The following METTL9 variants were observed in gnomAD, a reference collection of about 807,000 sequenced individuals.
METTL9 encodes methyltransferase 9, His-X-His N1(pi)-histidine, also known as protein-L-histidine N-pros-methyltransferase.
In METTL9, 10 loss-of-function variants were observed where a neutral mutation model predicts 36.0. The observed-to-expected ratio is 0.28, with a 90% CI of 0.17 to 0.47. METTL9 has a LOEUF of 0.47. Ranked by LOEUF, METTL9 falls within the 20% of genes least tolerant of loss-of-function variation. The pLI, the probability that METTL9 is intolerant of heterozygous loss-of-function variation, is 0.99. For synonymous variants in METTL9, 175 were observed against 149.7 expected (o/e 1.17, Z -1.23); for missense variants, 246 against 383.5 (o/e 0.64, Z 3.00).
intron 2 of METTL9, among the ~76,000 whole-genome samples, chr16:21,617,232 C>A (rs1965575024): frequency 6.6e-6 from 1 of 151,578 alleles, no homozygotes; most frequent in African/African-American, 2.4e-5. Context: ...TCCTGGCTAA[C>A]ATGGTGAAAC....
Position 21,612,734 on chromosome 16 carries a change from A to C in METTL9, c.255A>C (p.Leu85Phe). The change falls in exon 2 of 5, where the codon TTA becomes TTC. Residue 85 changes from leucine (L) to phenylalanine (F), a missense_variant. Leu to Phe is a conservative substitution (Grantham distance 22, BLOSUM62 0). Coordinates refer to ENST00000358154, the MANE Select transcript of METTL9 (RefSeq NM_016025.5). Reference sequence around the variant, plus strand: ...TTGATCAAGGAACACAGATCTTCTTAAACAACAGCATTGAGAAATCGGGCT... The same window carrying C: ...TTGATCAAGGAACACAGATCTTCTTCAACAACAGCATTGAGAAATCGGGCT... Reference protein sequence around the residue: ...SYLDQGTQIFLNNSIEKSGWL... With the variant: ...SYLDQGTQIFFNNSIEKSGWL... The C allele has an allele frequency of 6.2e-7, 1 of 1,613,010 alleles. No individual in the cohort carries two copies. Among genetic ancestry groups the C allele is most frequent in the Non-Finnish European group, 8.5e-7 (1 of 1,179,778 alleles).
chr16:21,643,707 T>C, intron 4 of METTL9: 1 of 686,664 alleles, frequency 1.5e-6, no homozygotes, highest in East Asian at 2.7e-5. Flanking sequence ...TTAAGTGATA[T>C]ACAATGAGAC....
At chr16:21,612,561 T>G in intron 1 of METTL9, 84 bp from the exon 2 acceptor site, 1 of 1,290,022 alleles carries the variant, frequency 7.8e-7, no homozygotes, top group Non-Finnish European at 1.0e-6. Context: ...TGATTTAGTC[T>G]TCTGGTTTTT....
chr16:21,597,371 G>A, upstream of METTL9: 2 of 1,024,894 alleles, frequency 2.0e-6, no homozygotes, highest in Admixed American at 4.7e-5. Flanking sequence ...GTTTCTTCCT[G>A]TGCCTGCTAA....
At chr16:21,606,208 G>T (rs962759053) in intron 1 of METTL9, among the ~76,000 whole-genome samples, 5 of 151,986 alleles carry the variant, frequency 3.3e-5, no homozygotes, top group Non-Finnish European at 7.4e-5. Context: ...GTGGTGGCAC[G>T]TGCCTGTAAT....
chr16:21,639,700 C>G (rs1421468203), intron 4 of METTL9: 7 of 152,206 alleles, frequency 4.6e-5, no homozygotes, highest in Admixed American at 2.6e-4. Context: ...CACATATACA[C>G]ATGTGCACTC....
chr16:21,652,835 T>G (rs986523544), intron 4 of METTL9: 4 of 426,972 alleles, frequency 9.4e-6, no homozygotes, highest in African/African-American at 2.0e-5. Flanking sequence ...TCATAGGTGT[T>G]AGATGTTTCT....
Position 21,599,592 on chromosome 16 carries a change from C to T in METTL9, c.-142C>T, listed in dbSNP as rs1332028665. ...CCGGCTGCTCCTCCCCACCCCCAGC[C>T]TTTGCCCTGAAGGGGGCTGGATGGG... On this transcript the variant is annotated 5_prime_UTR_variant, in exon 1 of 5. Transcript: ENST00000358154. This position sits in a 1 kb window ranked among gnomAD's most constrained non-coding sequence, Gnocchi z 4.4. 1.5e-6 allele frequency: 2 copies of T among 1,310,480 alleles called. No homozygotes were observed. The highest frequency in any genetic ancestry group is 1.6e-5 in the African/African-American group (1 of 64,130). The allele number at this position is 1,310,480 out of a possible 1,614,324, so 81.2% of individuals were successfully genotyped here.
At chr16:21,627,508 G>A (rs907477783) in intron 4 of METTL9, 3 of 271,520 alleles carry the variant, frequency 1.1e-5, no homozygotes, top group Non-Finnish European at 1.7e-5. Context: ...CCCAAAGAAG[G>A]AAAGATATGA....
chr16:21,634,789 G>A (rs184658308), intron 4 of METTL9, among the ~76,000 whole-genome samples: 47 of 152,262 alleles, frequency 3.1e-4, no homozygotes, highest in African/African-American at 1.1e-3. Flanking sequence ...AAGGCCTCCT[G>A]TAGCTGCTCA....
At chr16:21,649,409 C>T (rs887625021) in intron 4 of METTL9, among the ~76,000 whole-genome samples, 1 of 152,140 alleles carries the variant, frequency 6.6e-6, no homozygotes, top group African/African-American at 2.4e-5. Flanking sequence ...AGGAGGCCTG[C>T]AAGCTTCTCT....
chr16:21,605,743 A>G (rs559389574), intron 1 of METTL9, among the ~76,000 whole-genome samples: 41 of 152,232 alleles, frequency 2.7e-4, no homozygotes, highest in Middle Eastern at 3.4e-3. Context: ...TTGAAAAAAG[A>G]TTCTTACATG....
At chr16:21,631,474 G>A (rs1297652727) in intron 4 of METTL9, among the ~76,000 whole-genome samples, 3 of 152,194 alleles carry the variant, frequency 2.0e-5, no homozygotes, top group African/African-American at 4.8e-5. Flanking sequence ...AGGCTCAGCT[G>A]AGTGCAAACA....
intron 4 of METTL9, chr16:21,654,809 C>G (rs1333745059): frequency 6.1e-6 from 1 of 163,892 alleles, no homozygotes; most frequent in African/African-American, 2.4e-5. Context: ...TTGCATTTGT[C>G]CAAAACTGTC....
chr16:21,623,453 C>T (rs1466191919), intron 3 of METTL9, among the ~76,000 whole-genome samples: 1 of 152,120 alleles, frequency 6.6e-6, no homozygotes, highest in East Asian at 1.9e-4. Flanking sequence ...GACTTGTTTA[C>T]CAAAGATCCT....
intron 3 of METTL9, among the ~76,000 whole-genome samples, chr16:21,623,320 T>A (rs1965747438): frequency 6.6e-6 from 1 of 152,234 alleles, no homozygotes; most frequent in South Asian, 2.1e-4. Flanking sequence ...CTTTGTGTTT[T>A]TAAAATTCTG....
intron 4 of METTL9, chr16:21,639,602 C>T (rs1230412065): frequency 6.6e-6 from 1 of 152,112 alleles, no homozygotes; most frequent in East Asian, 1.9e-4. Flanking sequence ...TATATTGCTG[C>T]TTATGCCATT....
Position 21,599,852 on chromosome 16 carries a change from C to T in METTL9, c.119C>T (p.Pro40Leu). The change falls in exon 1 of 5, where the codon CCG (proline) becomes CTG (leucine). Residue 40 changes from proline to leucine, a missense_variant. By Grantham distance (98) the Pro-to-Leu change is moderately conservative. Transcript: ENST00000358154. The surrounding 1 kb of genome is among the most constrained non-coding windows in gnomAD (Gnocchi z 4.4). ...RSLYVNMTSG[P>L]GGPAAAAGGR... ...CTGTACGTGAACATGACTAGCGGCC[C>T]GGGTGGGCCGGCGGCGGCCGCGGGC... is the stretch of plus-strand genomic sequence containing the variant. 1 of 1,506,116 alleles carries T rather than the reference C, an allele frequency of 6.6e-7. No individual in the cohort carries two copies. Among genetic ancestry groups the T allele is most frequent in the Non-Finnish European group, 8.8e-7 (1 of 1,133,602 alleles). The allele number at this position is 1,506,116 out of a possible 1,614,324, so 93.3% of individuals were successfully genotyped here.
chr16:21,619,587 ATT>A (rs35728063), intron 3 of METTL9, among the ~76,000 whole-genome samples: 11 of 124,202 alleles, frequency 8.9e-5, no homozygotes, highest in Non-Finnish European at 6.7e-5. Flanking sequence ...TGCCCGGCTA[ATT>A]TTTTTTTTTT....
Sources: gnomAD v4.1 joint callset for allele counts (sites outside exome capture counted in the v4.1 genomes callset) on GRCh38, gnomAD v4.1.1 for gene constraint, Gnocchi (gnomAD v3.1) non-coding constraint, MANE v1.5 for transcripts, NCBI Gene and HGNC (gene_info 2026-07-23, HGNC 2026-07-21) for gene names.